RANBP17: variants seen among roughly 807,000 people sequenced by gnomAD.
RANBP17 encodes ran-binding protein 17.
Under a neutral mutation model 141.2 loss-of-function variants are expected in RANBP17, and 158 were observed. The observed-to-expected ratio is 1.12, with a 90% confidence interval of 0.98 to 1.28. RANBP17 has a LOEUF of 1.28. Ranked by LOEUF, RANBP17 falls within the 50% of genes most tolerant of loss-of-function variation. The pLI is 0.00. For missense variants in RANBP17, 1,438 were observed against 1,290.7 expected, an observed-to-expected ratio of 1.11 and a Z score of -1.75; for synonymous variants, 430 against 450.0, an observed-to-expected ratio of 0.96 and a Z score of 0.56.
chr5:171,245,563 C>G (rs1172243421), intron 24 of RANBP17, among the ~76,000 whole-genome samples: 1 of 152,192 alleles, frequency 6.6e-6, no homozygotes, highest in African/African-American at 2.4e-5. Context: ...ATCCTCTTGC[C>G]TCAGCCTCCC....
intron 12 of RANBP17, among the ~76,000 whole-genome samples, chr5:170,949,171 T>C (rs543565873): frequency 1.8e-4 from 27 of 152,086 alleles, no homozygotes; most frequent in African/African-American, 6.5e-4. Flanking sequence ...TTCTTAGATA[T>C]GACACCTGAA....
At chr5:170,974,083 T>C (rs1045556204) in intron 14 of RANBP17, among the ~76,000 whole-genome samples, 1 of 152,208 alleles carries the variant, frequency 6.6e-6, no homozygotes, top group African/African-American at 2.4e-5. Context: ...TCCATTCTAG[T>C]TTAGTCCCCA....
chr5:171,289,101 AT>A (rs1768333545), intron 25 of RANBP17, among the ~76,000 whole-genome samples: 2 of 152,104 alleles, frequency 1.3e-5, no homozygotes, highest in South Asian at 4.1e-4. Context: ...TCATTTATGT[AT>A]TTACTCTTTC....
intron 14 of RANBP17, among the ~76,000 whole-genome samples, chr5:171,074,161 TCAC>T (rs961307959): frequency 6.6e-6 from 1 of 152,170 alleles, no homozygotes; most frequent in African/African-American, 2.4e-5. Context: ...AGTGTTAAAA[TCAC>T]CAGTGATAAC....
At chr5:171,058,995 T>C (rs1425619503) in intron 14 of RANBP17, among the ~76,000 whole-genome samples, 2 of 152,038 alleles carry the variant, frequency 1.3e-5, no homozygotes, top group Non-Finnish European at 2.9e-5. Context: ...CTTCACCCAC[T>C]TTTTGATGGA....
chr5:170,874,103 C>A (rs191814317), intron 1 of RANBP17, among the ~76,000 whole-genome samples: 1 of 151,936 alleles, frequency 6.6e-6, no homozygotes, highest in Non-Finnish European at 1.5e-5. Flanking sequence ...CATTATTTAC[C>A]CAGGAGTCAT....
At chr5:170,958,148 A>G (rs889506096) in intron 13 of RANBP17, among the ~76,000 whole-genome samples, 2 of 152,178 alleles carry the variant, frequency 1.3e-5, no homozygotes, top group Non-Finnish European at 2.9e-5. Context: ...GGGAGTAAGG[A>G]CAAGCAGTAT....
chr5:170,914,121 C>G, intron 7 of RANBP17, 46 bp from the exon 8 acceptor site: 1 of 1,235,720 alleles, frequency 8.1e-7, no homozygotes. Context: ...TTGTTAAGAT[C>G]ACTGAATTGA....
At chr5:170,943,419 G>GT (rs1326932276) in intron 12 of RANBP17, among the ~76,000 whole-genome samples, 1 of 152,098 alleles carries the variant, frequency 6.6e-6, no homozygotes, top group African/African-American at 2.4e-5. Context: ...GTCATTAACA[G>GT]TAGTTAACGT....
At chr5:171,043,253 A>G (rs897099999) in intron 14 of RANBP17, among the ~76,000 whole-genome samples, 1 of 152,214 alleles carries the variant, frequency 6.6e-6, no homozygotes, top group Non-Finnish European at 1.5e-5. Flanking sequence ...TTCCAGGAAC[A>G]TACATAGGAT....
rs1229956190 is a variant in RANBP17, at chr5:171,299,608, T to A, written c.*750T>A. 1 of 231,410 alleles carries A rather than the reference T, an allele frequency of 4.3e-6. No homozygotes were observed. Among genetic ancestry groups the A allele is most frequent in the Non-Finnish European group, 8.6e-6 (1 of 116,902 alleles). 14.3% of individuals were successfully genotyped at this position (231,410 alleles called of 1,614,324 possible). ...TGGTGCCAGCACCCAGTCCTCTGCC[T>A]CCATTTAATTTTTAAGAGAAGGTGA... On this transcript the variant is annotated 3_prime_UTR_variant, in exon 28 of 28. Transcript: ENST00000523189.
intron 14 of RANBP17, among the ~76,000 whole-genome samples, chr5:171,028,030 G>T (rs1013276149): frequency 1.3e-5 from 2 of 151,908 alleles, no homozygotes; most frequent in Admixed American, 1.3e-4. Flanking sequence ...TAAGAATTAA[G>T]TGATACCCAT....
chr5:171,204,207 C>G (rs1762451122), intron 19 of RANBP17, among the ~76,000 whole-genome samples: 1 of 152,114 alleles, frequency 6.6e-6, no homozygotes, highest in Non-Finnish European at 1.5e-5. Context: ...TTCAGAAATT[C>G]AGATAACCAT....
intron 21 of RANBP17, among the ~76,000 whole-genome samples, chr5:171,221,242 A>G (rs1581056266): frequency 1.3e-5 from 2 of 152,354 alleles, no homozygotes; most frequent in African/African-American, 4.8e-5. Context: ...TGGAAACTGT[A>G]ATGTGTTTGA....
In RANBP17 at chr5:170,944,087, A is replaced by G. The variant is rs180721055; in HGVS notation, c.1469-9510A>G. ...TCTACCTTTTTTTAAGGTTCTGCAT[A>G]TGAGTGAGACCGTATAGTATTTTTC... On this transcript the variant is annotated intron_variant, in intron 12 of 27. Coordinates refer to ENST00000523189, the MANE Select transcript of RANBP17 (RefSeq NM_022897.5). Among the ~76,000 whole-genome samples the G allele has an allele frequency of 4.0e-3, 613 of 152,224 alleles. 4 individuals are homozygous for G. Among genetic ancestry groups the G allele is most frequent in the African/African-American group, 0.014 (590 of 41,528 alleles).
chr5:170,964,904 T>C (rs1438702705), intron 13 of RANBP17, among the ~76,000 whole-genome samples: 1 of 152,176 alleles, frequency 6.6e-6, no homozygotes, highest in African/African-American at 2.4e-5. Flanking sequence ...GTCCTTTGGG[T>C]ATATACCCAG....
chr5:171,235,819 A>G (rs1764508876), intron 22 of RANBP17, among the ~76,000 whole-genome samples: 1 of 152,008 alleles, frequency 6.6e-6, no homozygotes, highest in African/African-American at 2.4e-5. Flanking sequence ...ATCTCAAGCT[A>G]CTGGACTCAA....
Position 171,171,216 on chromosome 5 carries a change from CT to C in RANBP17, c.1797del (p.Lys600AsnfsTer9). On this transcript the variant is annotated frameshift_variant, in exon 16 of 28. Coordinates refer to ENST00000523189, the MANE Select transcript of RANBP17 (RefSeq NM_022897.5). LOFTEE classifies it high-confidence loss of function. ...TTTTTTCATATTTAGTGTTACAAAC[CT>C]TAAATACTGGGGAAGATATGAGCCT... ...ETFMTKIVTNLKYWGRYEPVI... is the reference protein window; with the variant it reads ...ETFMTKIVTNXKYWGRYEPVI... 6.3e-7 allele frequency: 1 copy of C among 1,579,400 alleles called. No homozygotes were observed. The highest frequency in any genetic ancestry group is 8.6e-7 in the Non-Finnish European group (1 of 1,156,476).
chr5:171,208,483 ATACT>A (rs1161343683), intron 20 of RANBP17, among the ~76,000 whole-genome samples: 1 of 152,252 alleles, frequency 6.6e-6, no homozygotes, highest in Non-Finnish European at 1.5e-5. Context: ...TTCCTAGATC[ATACT>A]TAAACTGAAG....
Sources: gnomAD v4.1 joint callset for allele counts (sites outside exome capture counted in the v4.1 genomes callset) on GRCh38, gnomAD v4.1.1 for gene constraint, MANE v1.5 for transcripts, NCBI Gene and HGNC (gene_info 2026-07-23, HGNC 2026-07-21) for gene names.